Variants in CLTC observed in about 807,000 individuals in gnomAD.
CLTC encodes the protein clathrin heavy chain 1.
A neutral mutation model predicts 195.8 loss-of-function variants in CLTC; 16 were observed. That is an observed-to-expected ratio of 0.08 (90% CI 0.06 to 0.12). CLTC has a LOEUF of 0.12. Among genes scored for constraint, CLTC ranks in the 10% least tolerant of loss-of-function variants. The probability of loss-of-function intolerance (pLI) is 1.00; values close to 1 mark genes in which losing one functional copy is unlikely to be tolerated. For synonymous variants in CLTC, 667 were observed against 689.4 expected (o/e 0.97, Z 0.51); for missense variants, 796 against 2,027.0 (o/e 0.39, Z 11.66).
chr17:59,643,780 T>C (rs535251609), intron 1 of CLTC, among the ~76,000 whole-genome samples: 1 of 152,312 alleles, frequency 6.6e-6, no homozygotes, highest in African/African-American at 2.4e-5. Context: ...TTTGGCACTT[T>C]TTGCACAGAA....
At chr17:59,677,635 GTTCTA>G (rs2032995565) in intron 17 of CLTC, among the ~76,000 whole-genome samples, 1 of 152,118 alleles carries the variant, frequency 6.6e-6, no homozygotes, top group African/African-American at 2.4e-5. Context: ...TTAAAAATCT[GTTCTA>G]TTCTAGTTTT....
intron 10 of CLTC, among the ~76,000 whole-genome samples, chr17:59,665,768 A>AG (rs2032715791): frequency 6.6e-6 from 1 of 152,132 alleles, no homozygotes. Flanking sequence ...TGAACCCGGG[A>AG]GGTGGAGGTT....
intron 1 of CLTC, among the ~76,000 whole-genome samples, chr17:59,633,833 A>G (rs569987247): frequency 3.3e-5 from 5 of 152,342 alleles, no homozygotes; most frequent in South Asian, 2.1e-4. Flanking sequence ...TGTTTTATTC[A>G]TATCAGGAAA....
chr17:59,655,650 A>G (rs1013922917), intron 5 of CLTC, among the ~76,000 whole-genome samples: 1 of 152,182 alleles, frequency 6.6e-6, no homozygotes, highest in Admixed American at 6.5e-5. Flanking sequence ...TCCTCTTATC[A>G]GTTTCATGTT....
At chr17:59,660,342 T>G in intron 6 of CLTC, 49 bp from the exon 7 acceptor site, 1 of 1,520,804 alleles carries the variant, frequency 6.6e-7, no homozygotes, top group Non-Finnish European at 9.1e-7. Context: ...TGGTATCATT[T>G]GTATCCAAAT....
At position 59,631,778 on chromosome 17, in the gene CLTC, C is replaced by G. The variant is rs142406245; in HGVS notation, c.42+11605C>G. Among the ~76,000 whole-genome samples the G allele has an allele frequency of 4.2e-3, 635 of 151,756 alleles. 7 individuals are homozygous for G. Among genetic ancestry groups the G allele is most frequent in the African/African-American group, 0.015 (610 of 41,364 alleles). On this transcript the variant is annotated intron_variant, in intron 1 of 31. Coordinates refer to ENST00000269122, the MANE Select transcript of CLTC (RefSeq NM_004859.4). ...TTCAACCCAGGCATTCGAGACTAGC[C>G]TGGACAGCATGGCAAAACCCTATCT...
rs190556597 is a variant in CLTC, at chr17:59,685,007, T to C, written c.4435-49T>C. ...CTCATTGATTGAGAACGGAATATAA[T>C]GTTAAACAAAATACTGATCTGGCAT... On this transcript the variant is annotated intron_variant, in intron 28 of 31. Coordinates refer to ENST00000269122, the MANE Select transcript of CLTC (RefSeq NM_004859.4). The surrounding 1 kb of genome is among the most constrained non-coding windows in gnomAD (Gnocchi z 5.0). 6.7e-4 allele frequency: 962 copies of C among 1,432,440 alleles called. 1 individual carries two copies. The highest frequency in any genetic ancestry group is 8.7e-4 in the Non-Finnish European group (935 of 1,071,932). 88.7% of individuals were successfully genotyped at this position (1,432,440 alleles called of 1,614,324 possible). A position where few individuals can be genotyped will look rare whatever the true frequency, so the allele number is the denominator to read the frequency against.
chr17:59,624,470 T>G (rs958172256), intron 1 of CLTC, among the ~76,000 whole-genome samples: 101 of 145,900 alleles, frequency 6.9e-4, no homozygotes, highest in Non-Finnish European at 1.2e-3. Flanking sequence ...TTTTTTTTTT[T>G]TTTTTTTTTG....
chr17:59,621,375 G>A (rs6503930), intron 1 of CLTC, among the ~76,000 whole-genome samples: 124,416 of 152,218 alleles, frequency 0.82, 51,145 homozygotes, highest in East Asian at 0.93. Flanking sequence ...ATAATGACAG[G>A]GAATGCAGTG....
Position 59,682,779 on chromosome 17 carries a change from C to G in CLTC, c.3751C>G (p.Arg1251Gly). 6.2e-7 allele frequency: 1 copy of G among 1,613,798 alleles called. No individual in the cohort carries two copies. Among genetic ancestry groups the G allele is most frequent in the Non-Finnish European group, 8.5e-7 (1 of 1,179,882 alleles). The change falls in exon 23 of 32, where the codon CGA (arginine) becomes GGA (glycine). Residue 1251 changes from arginine (R) to glycine (G), a missense_variant. Arg to Gly is a moderately radical substitution (Grantham distance 125). Around this residue, in one of 9 missense-constraint regions of CLTC, gnomAD observed 102 missense variants for 317.6 expected, o/e 0.32. Transcript: ENST00000269122. This position sits in a 1 kb window ranked among gnomAD's most constrained non-coding sequence, Gnocchi z 6.8. ...TGGGGCTAGGAAAGCTAACAGTACT[C>G]GAACATGGAAAGAGGTAATCTAAAC... The part of the protein sequence containing the change: ...VDGARKANST[R>G]TWKEVCFACV...
In CLTC at chr17:59,679,383, C is replaced by CT. The variant is rs1189572066; in HGVS notation, c.2797-14_2797-13insT. On this transcript the variant is annotated splice_polypyrimidine_tract_variant and intron_variant, in intron 17 of 31. Coordinates refer to ENST00000269122, the MANE Select transcript of CLTC (RefSeq NM_004859.4). ...ACTTTTTACCTTGAAATTAATCTAT[C>CT]ATATCTTCTTTAGGTTTGCAATGAG... is the stretch of plus-strand genomic sequence containing the variant. The CT allele has an allele frequency of 2.5e-6, 4 of 1,588,692 alleles. No individual in the cohort carries two copies. In the African/African-American group the frequency reaches 5.4e-5, roughly 21 times the overall value.
intron 6 of CLTC, among the ~76,000 whole-genome samples, chr17:59,658,405 C>A (rs572630693): frequency 6.6e-6 from 1 of 152,324 alleles, no homozygotes; most frequent in Admixed American, 6.5e-5. Context: ...ATGACACATT[C>A]TTGGTGTTCA....
rs2143561444 is a variant in CLTC, at chr17:59,668,920, C to T, written c.2272C>T (p.Arg758Ter). The part of the protein sequence containing the change: ...CRESNCYDPE[R>*]VKNFLKEAKL... ...AGAAAGCAACTGCTACGATCCTGAG[C>T]GAGTCAAGAATTTTCTTAAGGTAAG... Residue 758 changes from arginine (R) to a stop codon, truncating the protein, a stop_gained, in exon 14 of 32, where the codon CGA becomes TGA. Coordinates refer to ENST00000269122, the MANE Select transcript of CLTC (RefSeq NM_004859.4). LOFTEE classifies it high-confidence loss of function. 1 of 1,608,572 alleles carries T rather than the reference C, an allele frequency of 6.2e-7. No individual in the cohort carries two copies. Among genetic ancestry groups the T allele is most frequent in the Non-Finnish European group, 8.5e-7 (1 of 1,178,364 alleles).
intron 30 of CLTC, among the ~76,000 whole-genome samples, chr17:59,686,783 C>T (rs149721295): frequency 6.6e-6 from 1 of 152,290 alleles, no homozygotes; most frequent in African/African-American, 2.4e-5. Context: ...GATTAAGCTG[C>T]TTTCTTTCAT....
At position 59,683,355 on chromosome 17, in the gene CLTC, A is replaced by G. The variant is rs189513627; in HGVS notation, c.4042-32A>G. The G allele has an allele frequency of 5.0e-4, 806 of 1,604,362 alleles. 11 individuals carry two copies. In the East Asian group the frequency reaches 0.015, roughly 30 times the overall value. The stretch of plus-strand genomic sequence containing the variant: ...CTTTTTAAGGCTGTTAGCTAGACTC[A>G]TATCTAAAGCAATTAAGTCTTTCTT... On this transcript the variant is annotated intron_variant, in intron 25 of 31. Transcript: ENST00000269122. This position sits in a 1 kb window ranked among gnomAD's most constrained non-coding sequence, Gnocchi z 6.1.
chr17:59,653,176 T>A (rs898003865), intron 5 of CLTC, among the ~76,000 whole-genome samples: 1 of 146,334 alleles, frequency 6.8e-6, no homozygotes, highest in African/African-American at 2.7e-5. Flanking sequence ...TATTTGTTTA[T>A]TTATTTATTT....
At chr17:59,672,069 A>G (rs1008629978) in intron 14 of CLTC, among the ~76,000 whole-genome samples, 1 of 152,154 alleles carries the variant, frequency 6.6e-6, no homozygotes, top group African/African-American at 2.4e-5. Flanking sequence ...TAAATGAACA[A>G]ATTTATGTTG....
chr17:59,686,779 G>A (rs2033193786), intron 30 of CLTC, among the ~76,000 whole-genome samples: 1 of 152,158 alleles, frequency 6.6e-6, no homozygotes, highest in Admixed American at 6.6e-5. Context: ...TAGTGATTAA[G>A]CTGCTTTCTT....
At chr17:59,629,788 G>A (rs1463773237) in intron 1 of CLTC, among the ~76,000 whole-genome samples, 1 of 151,928 alleles carries the variant, frequency 6.6e-6, no homozygotes, top group Non-Finnish European at 1.5e-5. Flanking sequence ...CAAAGTGCTG[G>A]GATTACAGGC....
Sources: gnomAD v4.1 joint callset for allele counts (sites outside exome capture counted in the v4.1 genomes callset) on GRCh38, gnomAD v4.1.1 for gene constraint, gnomAD v4.1.1 regional missense constraint, Gnocchi (gnomAD v3.1) non-coding constraint, MANE v1.5 for transcripts, NCBI Gene and HGNC (gene_info 2026-07-23, HGNC 2026-07-21) for gene names.